HS3ST4: variants seen among roughly 807,000 people sequenced by gnomAD.
The protein encoded by HS3ST4 is heparan sulfate glucosamine 3-O-sulfotransferase 4.
In HS3ST4, 17 loss-of-function variants were observed where a neutral mutation model predicts 29.2. The ratio of observed to expected loss-of-function variants is 0.58; its 90% CI spans 0.40 to 0.87. HS3ST4 has a LOEUF of 0.87. Among genes scored for constraint, HS3ST4 ranks in the 40% least tolerant of loss-of-function variants. HS3ST4 has a pLI of 0.00. For synonymous variants in HS3ST4, 314 were observed against 285.7 expected (o/e 1.10, Z -1.00); for missense variants, 627 against 634.5 (o/e 0.99, Z 0.13).
chr16:26,093,300 A>G (rs1898880115), intron 1 of HS3ST4, among the ~76,000 whole-genome samples: 1 of 147,872 alleles, frequency 6.8e-6, no homozygotes, highest in South Asian at 2.2e-4. Flanking sequence ...TGGGTCCCTG[A>G]CCCCTGTGTA....
chr16:25,886,409 A>G (rs1418149207), intron 1 of HS3ST4, among the ~76,000 whole-genome samples: 1 of 152,180 alleles, frequency 6.6e-6, no homozygotes, highest in Non-Finnish European at 1.5e-5. Context: ...ACCTAAAGTA[A>G]TGGTGGTGCT....
chr16:26,132,420 G>C (rs772441494), intron 1 of HS3ST4, among the ~76,000 whole-genome samples: 4 of 152,148 alleles, frequency 2.6e-5, no homozygotes, highest in Non-Finnish European at 5.9e-5. Context: ...TTCATGGGTA[G>C]CATGAAGGTC....
At chr16:25,875,636 C>G (rs1967823099) in intron 1 of HS3ST4, among the ~76,000 whole-genome samples, 1 of 152,166 alleles carries the variant, frequency 6.6e-6, no homozygotes, top group Admixed American at 6.6e-5. Flanking sequence ...GGGTCCTAGG[C>G]ACGTTAAGCT....
At chr16:25,788,945 C>G (rs1262839920) in intron 1 of HS3ST4, among the ~76,000 whole-genome samples, 1 of 152,070 alleles carries the variant, frequency 6.6e-6, no homozygotes, top group Non-Finnish European at 1.5e-5. Context: ...CTTTCTTGTT[C>G]TTTTCAGATA....
intron 1 of HS3ST4, among the ~76,000 whole-genome samples, chr16:25,758,811 C>T (rs756956268): frequency 4.0e-5 from 6 of 151,858 alleles, no homozygotes; most frequent in Non-Finnish European, 7.4e-5. Context: ...CAAAAATTAG[C>T]CGGGCGTGGT....
At chr16:25,828,093 A>G (rs1967238248) in intron 1 of HS3ST4, among the ~76,000 whole-genome samples, 1 of 151,938 alleles carries the variant, frequency 6.6e-6, no homozygotes, top group Admixed American at 6.6e-5. Flanking sequence ...TTTTTCACCT[A>G]GATAAAAAGC....
chr16:26,134,013 A>G (rs138687813), intron 1 of HS3ST4, among the ~76,000 whole-genome samples: 86 of 152,318 alleles, frequency 5.6e-4, no homozygotes, highest in African/African-American at 1.9e-3. Flanking sequence ...TGACTGTATA[A>G]TGGCATTCTA....
At chr16:26,036,189 C>A (rs962445592) in intron 1 of HS3ST4, among the ~76,000 whole-genome samples, 5 of 152,228 alleles carry the variant, frequency 3.3e-5, no homozygotes, top group Non-Finnish European at 5.9e-5. Context: ...TGTGTACCAA[C>A]TTTATTTCAG....
chr16:25,807,162 C>T (rs779883950), intron 1 of HS3ST4, among the ~76,000 whole-genome samples: 1 of 152,070 alleles, frequency 6.6e-6, no homozygotes, highest in African/African-American at 2.4e-5. Flanking sequence ...TTAGTAGAGA[C>T]GGAGTTTCGC....
chr16:25,960,753 A>G (rs564776694), intron 1 of HS3ST4, among the ~76,000 whole-genome samples: 1 of 152,212 alleles, frequency 6.6e-6, no homozygotes, highest in Non-Finnish European at 1.5e-5. Flanking sequence ...GTTTCTGGGG[A>G]GTTCAAAATG....
At chr16:25,898,251 A>C (rs940215131) in intron 1 of HS3ST4, among the ~76,000 whole-genome samples, 2 of 152,202 alleles carry the variant, frequency 1.3e-5, no homozygotes, top group Non-Finnish European at 2.9e-5. Context: ...ACTGAAAATG[A>C]CTTTAGTAGT....
chr16:26,084,790 T>C (rs2141785194), intron 1 of HS3ST4, among the ~76,000 whole-genome samples: 1 of 152,194 alleles, frequency 6.6e-6, no homozygotes, highest in East Asian at 1.9e-4. Context: ...AATTTTATTT[T>C]GTAGAGACAG....
In HS3ST4 at chr16:25,839,411, C is replaced by T. The variant is rs114912663; in HGVS notation, c.734+146260C>T. On this transcript the variant is annotated intron_variant, in intron 1 of 1. Coordinates refer to ENST00000331351, the MANE Select transcript of HS3ST4 (RefSeq NM_006040.3). Reference sequence around the variant, plus strand: ...AAATCACCCATTGGATCTTCCCTTCCTCCATTTTTGTTTTAGAATATTCCC... The same window carrying T: ...AAATCACCCATTGGATCTTCCCTTCTTCCATTTTTGTTTTAGAATATTCCC... 9.9e-3 allele frequency among the ~76,000 whole-genome samples: 1,511 copies of T among 152,290 alleles called. 27 individuals carry two copies. The highest frequency in any genetic ancestry group is 0.034 in the African/African-American group (1,404 of 41,552).
rs185597214 is a variant in HS3ST4 at position 25,864,365 on chromosome 16, A to G, written c.734+171214A>G. On this transcript the variant is annotated intron_variant, in intron 1 of 1. Transcript: ENST00000331351. Reference sequence around the variant, plus strand: ...ACTTTTAAGTGTGCAAAGCATCATTATTATTAGGTTGGTGCAAAAGTAATT... The same window carrying G: ...ACTTTTAAGTGTGCAAAGCATCATTGTTATTAGGTTGGTGCAAAAGTAATT... 1.1e-3 allele frequency among the ~76,000 whole-genome samples: 170 copies of G among 152,286 alleles called. 1 individual carries two copies. The highest frequency in any genetic ancestry group is 1.0e-3 in the Non-Finnish European group (68 of 68,026).
At chr16:25,800,014 T>G (rs1463127008) in intron 1 of HS3ST4, among the ~76,000 whole-genome samples, 1 of 151,210 alleles carries the variant, frequency 6.6e-6, no homozygotes, top group Non-Finnish European at 1.5e-5. Context: ...GACAGCTATA[T>G]TTTTGTTTCT....
chr16:26,013,688 G>C (rs1000604957), intron 1 of HS3ST4, among the ~76,000 whole-genome samples: 4 of 152,120 alleles, frequency 2.6e-5, no homozygotes, highest in Admixed American at 2.6e-4. Context: ...CCTTCTCAGA[G>C]AGATGTTCTC....
intron 1 of HS3ST4, among the ~76,000 whole-genome samples, chr16:26,117,087 G>A (rs969576353): frequency 6.6e-6 from 1 of 152,184 alleles, no homozygotes. Flanking sequence ...ATCCCCTGGA[G>A]AGCTTTTTAA....
intron 1 of HS3ST4, among the ~76,000 whole-genome samples, chr16:26,008,082 C>T (rs150480170): frequency 1.3e-5 from 2 of 152,304 alleles, no homozygotes; most frequent in East Asian, 1.9e-4. Flanking sequence ...ACCAAACAGA[C>T]ATCAGGCAGA....
At chr16:26,109,986 G>A (rs1042469876) in intron 1 of HS3ST4, among the ~76,000 whole-genome samples, 25 of 151,950 alleles carry the variant, frequency 1.6e-4, no homozygotes, top group African/African-American at 5.3e-4. Context: ...CTGTATAATA[G>A]ATCTATGGAA....
Sources: allele counts gnomAD v4.1 joint callset (sites outside exome capture counted in the v4.1 genomes callset), GRCh38; gene constraint gnomAD v4.1.1; transcripts MANE v1.5; gene names NCBI Gene and HGNC (gene_info 2026-07-23, HGNC 2026-07-21).